PTPRO: variants seen among roughly 807,000 people sequenced by gnomAD.
PTPRO encodes the protein receptor-type tyrosine-protein phosphatase O.
A neutral mutation model predicts 145.2 loss-of-function variants in PTPRO; 62 were observed. The observed-to-expected ratio is 0.43, with a 90% CI of 0.35 to 0.53. The LOEUF is 0.53. PTPRO is among the 20% of genes least tolerant of loss of function. PTPRO has a pLI of 0.01. For synonymous variants in PTPRO, 565 were observed against 514.7 expected (o/e 1.10, Z -1.32); for missense variants, 1,345 against 1,482.7 (o/e 0.91, Z 1.53).
chr12:15,512,362 A>G (rs1325955369), intron 7 of PTPRO, among the ~76,000 whole-genome samples: 1 of 151,960 alleles, frequency 6.6e-6, no homozygotes, highest in Admixed American at 6.6e-5. Context: ...TGATCTGCCC[A>G]CCTTGGCCTC....
chr12:15,573,840 T>G (rs539570743), intron 19 of PTPRO, among the ~76,000 whole-genome samples: 1 of 152,214 alleles, frequency 6.6e-6, no homozygotes, highest in Non-Finnish European at 1.5e-5. Context: ...GATTTCAGGA[T>G]GTATGCTGGA....
intron 1 of PTPRO, among the ~76,000 whole-genome samples, chr12:15,479,431 C>T (rs190609280): frequency 6.6e-6 from 1 of 152,134 alleles, no homozygotes; most frequent in East Asian, 1.9e-4. Flanking sequence ...TCAATTGCTC[C>T]CATGTGAACA....
At chr12:15,384,649 C>T (rs762434168) in intron 1 of PTPRO, among the ~76,000 whole-genome samples, 2 of 152,110 alleles carry the variant, frequency 1.3e-5, no homozygotes. Flanking sequence ...CTCCAAATGC[C>T]GTTACATTGG....
intron 10 of PTPRO, among the ~76,000 whole-genome samples, chr12:15,521,473 A>G (rs937007644): frequency 6.6e-6 from 1 of 152,222 alleles, no homozygotes; most frequent in Non-Finnish European, 1.5e-5. Flanking sequence ...ACTTCACTGT[A>G]TCAATAATTC....
intron 1 of PTPRO, among the ~76,000 whole-genome samples, chr12:15,441,120 T>C (rs115796666): frequency 0.025 from 3,858 of 152,224 alleles, 183 homozygotes; most frequent in African/African-American, 0.087. Flanking sequence ...TACCATAAAG[T>C]AAGTCTCAAT....
intron 1 of PTPRO, among the ~76,000 whole-genome samples, chr12:15,403,389 C>T (rs1441070775): frequency 6.6e-6 from 1 of 152,072 alleles, no homozygotes; most frequent in Non-Finnish European, 1.5e-5. Flanking sequence ...TCGAGACCAG[C>T]CTGGCCAACA....
intron 1 of PTPRO, among the ~76,000 whole-genome samples, chr12:15,326,121 C>T (rs1170687036): frequency 3.3e-5 from 5 of 152,158 alleles, no homozygotes; most frequent in East Asian, 3.8e-4. Context: ...TGTCTCCCCT[C>T]GCAACCCCAT....
intron 2 of PTPRO, among the ~76,000 whole-genome samples, chr12:15,484,823 G>C (rs1040323658): frequency 6.6e-6 from 1 of 152,098 alleles, no homozygotes; most frequent in African/African-American, 2.4e-5. Context: ...GTCATAAAGA[G>C]TTAAGGCTGA....
intron 2 of PTPRO, among the ~76,000 whole-genome samples, chr12:15,492,800 C>A (rs1219319381): frequency 6.6e-6 from 1 of 151,950 alleles, no homozygotes; most frequent in African/African-American, 2.4e-5. Flanking sequence ...TAATATAGCA[C>A]AGTGAGGCAA....
rs377677438 is a variant in PTPRO, at chr12:15,471,283, G to C, written c.76-12691G>C. ...TGGTCCCAGATACTTGGGAGGCTGA[G>C]GTGGGAGGATCACTTGAGCCTGGGG... is the stretch of plus-strand genomic sequence containing the variant. On this transcript the variant is annotated intron_variant, in intron 1 of 26. Coordinates refer to ENST00000281171, the MANE Select transcript of PTPRO (RefSeq NM_030667.3). 4.6e-5 allele frequency among the ~76,000 whole-genome samples: 7 copies of C among 152,240 alleles called. No homozygotes were observed. In the East Asian group the frequency reaches 9.7e-4, roughly 21 times the overall value.
At chr12:15,431,776 G>T (rs1292690284) in intron 1 of PTPRO, among the ~76,000 whole-genome samples, 3 of 152,052 alleles carry the variant, frequency 2.0e-5, no homozygotes, top group African/African-American at 7.2e-5. Flanking sequence ...ATTAAAGAAC[G>T]ATAGATTATG....
chr12:15,353,688 G>A (rs1312014912), intron 1 of PTPRO, among the ~76,000 whole-genome samples: 1 of 152,146 alleles, frequency 6.6e-6, no homozygotes, highest in Non-Finnish European at 1.5e-5. Context: ...ATAATAGGCA[G>A]ATGCTATTGT....
intron 13 of PTPRO, among the ~76,000 whole-genome samples, chr12:15,547,514 A>G (rs934691315): frequency 6.6e-6 from 1 of 152,234 alleles, no homozygotes; most frequent in Non-Finnish European, 1.5e-5. Context: ...TTGAGAAGAA[A>G]AAAGGAATGC....
intron 20 of PTPRO, among the ~76,000 whole-genome samples, chr12:15,579,301 A>G (rs1252244057): frequency 6.6e-6 from 1 of 152,248 alleles, no homozygotes; most frequent in African/African-American, 2.4e-5. Flanking sequence ...GCGATGCAGT[A>G]TATTAAAATG....
intron 1 of PTPRO, among the ~76,000 whole-genome samples, chr12:15,466,237 A>T (rs970490806): frequency 6.6e-6 from 1 of 152,148 alleles, no homozygotes; most frequent in Non-Finnish European, 1.5e-5. Flanking sequence ...TATGCTTCAT[A>T]ATCTAGTATT....
At position 15,387,375 on chromosome 12, in the gene PTPRO, G is replaced by C. The variant is rs150862366; in HGVS notation, c.75+64574G>C. On this transcript the variant is annotated intron_variant, in intron 1 of 26. Coordinates refer to ENST00000281171, the MANE Select transcript of PTPRO (RefSeq NM_030667.3). ...TTTTAAAAGCCCGGGGTTGGGGAGGGGGGTGGGTAAGGGATCTCCTTACTC... is the reference window on the plus strand; with the variant it reads ...TTTTAAAAGCCCGGGGTTGGGGAGGCGGGTGGGTAAGGGATCTCCTTACTC... Among the ~76,000 whole-genome samples the C allele has an allele frequency of 5.9e-5, 8 of 136,520 alleles. No homozygotes were observed. The East Asian group carries it at 1.8e-3, about 31-fold the overall frequency. 89.6% of individuals were successfully genotyped at this position (136,520 alleles called of 152,430 possible). A position where few individuals can be genotyped will look rare whatever the true frequency, so the allele number is the denominator to read the frequency against.
chr12:15,352,778 G>A (rs1468717954), intron 1 of PTPRO, among the ~76,000 whole-genome samples: 3 of 152,092 alleles, frequency 2.0e-5, no homozygotes, highest in Non-Finnish European at 4.4e-5. Context: ...AGGAGAATGT[G>A]ATTCAGCCTT....
chr12:15,403,609 T>C (rs1939563160), intron 1 of PTPRO, among the ~76,000 whole-genome samples: 1 of 151,994 alleles, frequency 6.6e-6, no homozygotes, highest in Admixed American at 6.6e-5. Flanking sequence ...AAAATACTTC[T>C]CATTTCTCCA....
intron 15 of PTPRO, among the ~76,000 whole-genome samples, chr12:15,552,727 A>G (rs1345211400): frequency 6.6e-6 from 1 of 152,032 alleles, no homozygotes; most frequent in Non-Finnish European, 1.5e-5. Flanking sequence ...TAAAAGGATA[A>G]GAAGAGATGT....
Sources: gnomAD v4.1 joint callset for allele counts (sites outside exome capture counted in the v4.1 genomes callset) on GRCh38, gnomAD v4.1.1 for gene constraint, MANE v1.5 for transcripts, NCBI Gene and HGNC (gene_info 2026-07-23, HGNC 2026-07-21) for gene names.